LIMCH1: variants seen among roughly 807,000 people sequenced by gnomAD.
The protein encoded by LIMCH1 is LIM and calponin homology domains-containing protein 1.
In LIMCH1, 113 loss-of-function variants were observed where a neutral mutation model predicts 176.5. That is an observed-to-expected ratio of 0.64 (90% CI 0.55 to 0.75). LIMCH1 has a LOEUF of 0.75. Ranked by LOEUF, LIMCH1 falls within the 30% of genes least tolerant of loss-of-function variation. LIMCH1 has a pLI of 0.00. For missense variants in LIMCH1, 1,674 were observed against 1,814.9 expected, an observed-to-expected ratio of 0.92 and a Z score of 1.41; for synonymous variants, 619 against 645.9, an observed-to-expected ratio of 0.96 and a Z score of 0.63.
intron 5 of LIMCH1, among the ~76,000 whole-genome samples, chr4:41,615,594 A>G (rs2091971353): frequency 1.3e-5 from 2 of 152,220 alleles, no homozygotes; most frequent in South Asian, 4.1e-4. Context: ...GAAAAACAAC[A>G]CATTTATTAA....
intron 1 of LIMCH1, among the ~76,000 whole-genome samples, chr4:41,463,172 A>T (rs374356817): frequency 2.1e-5 from 1 of 46,830 alleles, no homozygotes; most frequent in South Asian, 1.0e-3. Flanking sequence ...AAAATTCATT[A>T]AAAAAAAAAA....
chr4:41,605,691 C>T (rs752090036), intron 3 of LIMCH1, among the ~76,000 whole-genome samples: 5 of 152,134 alleles, frequency 3.3e-5, no homozygotes, highest in East Asian at 1.9e-4. Flanking sequence ...ACTACTCAAC[C>T]GTGTTTGTGT....
chr4:41,479,528 A>C (rs1485793738), intron 1 of LIMCH1, among the ~76,000 whole-genome samples: 8 of 152,340 alleles, frequency 5.3e-5, no homozygotes, highest in African/African-American at 1.9e-4. Flanking sequence ...CTGGGATTAC[A>C]GGCGTGAGCC....
At chr4:41,363,506 C>G (rs891435364) in intron 1 of LIMCH1, among the ~76,000 whole-genome samples, 9 of 152,132 alleles carry the variant, frequency 5.9e-5, no homozygotes, top group African/African-American at 2.2e-4. Flanking sequence ...AATAAACAAA[C>G]TTTGCTGCTT....
intron 18 of LIMCH1, among the ~76,000 whole-genome samples, chr4:41,652,706 A>G (rs770310886): frequency 1.3e-5 from 2 of 152,218 alleles, no homozygotes; most frequent in Non-Finnish European, 2.9e-5. Context: ...CCTTCATTAA[A>G]AAGATTTCAC....
intron 1 of LIMCH1, among the ~76,000 whole-genome samples, chr4:41,477,006 T>C (rs1193564609): frequency 2.0e-5 from 3 of 152,160 alleles, no homozygotes; most frequent in Non-Finnish European, 4.4e-5. Flanking sequence ...TCATAGGCAG[T>C]GGAAGTCTGA....
intron 1 of LIMCH1, chr4:41,472,941 G>C: frequency 1.3e-6 from 1 of 785,826 alleles, no homozygotes; most frequent in Non-Finnish European, 1.5e-6. Context: ...ATGGAGCTAG[G>C]ATTCTGCAGA....
At chr4:41,621,584 C>T (rs549124191) in intron 7 of LIMCH1, among the ~76,000 whole-genome samples, 1 of 151,902 alleles carries the variant, frequency 6.6e-6, no homozygotes, top group African/African-American at 2.4e-5. Flanking sequence ...TCACTGCAAC[C>T]TCTGCTTCCC....
At chr4:41,695,679 C>T (rs1265152775) in intron 31 of LIMCH1, among the ~76,000 whole-genome samples, 1 of 151,998 alleles carries the variant, frequency 6.6e-6, no homozygotes, top group Non-Finnish European at 1.5e-5. Flanking sequence ...TAACTCTTCT[C>T]CCATGTTCAT....
At chr4:41,681,195 A>G (rs6816179) in intron 25 of LIMCH1, 136 bp downstream of exon 25, 98,621 of 526,666 alleles carry the variant, frequency 0.19, 9,960 homozygotes, top group Middle Eastern at 0.27. Flanking sequence ...CACGTCAGCT[A>G]CTGTGTGGCC....
chr4:41,396,653 C>T (rs112604509), intron 1 of LIMCH1, among the ~76,000 whole-genome samples: 6,282 of 152,138 alleles, frequency 0.041, 167 homozygotes, highest in Middle Eastern at 0.085. Context: ...GTAATCCCAG[C>T]GCTTTGGGAG....
At chr4:41,423,843 A>T (rs2154132370) in intron 1 of LIMCH1, among the ~76,000 whole-genome samples, 1 of 152,064 alleles carries the variant, frequency 6.6e-6, no homozygotes. Context: ...TATGGGAAAG[A>T]TTGGAGTGGC....
intron 4 of LIMCH1, among the ~76,000 whole-genome samples, chr4:41,609,165 C>A (rs1374050020): frequency 6.6e-6 from 1 of 151,606 alleles, no homozygotes; most frequent in Non-Finnish European, 1.5e-5. Flanking sequence ...GGGGAGGGAG[C>A]ATGGTGGGCA....
intron 1 of LIMCH1, among the ~76,000 whole-genome samples, chr4:41,369,681 T>G (rs73232185): frequency 0.27 from 41,093 of 151,650 alleles, 5,641 homozygotes; most frequent in Middle Eastern, 0.33. Context: ...CGAATTTTTT[T>G]TGTGTGTGTG....
At chr4:41,639,745 C>T (rs1249908913) in intron 14 of LIMCH1, among the ~76,000 whole-genome samples, 2 of 152,120 alleles carry the variant, frequency 1.3e-5, no homozygotes, top group African/African-American at 4.8e-5. Context: ...CTAGACTTCT[C>T]AGATTCAAGT....
intron 1 of LIMCH1, among the ~76,000 whole-genome samples, chr4:41,579,307 G>T (rs1250496722): frequency 2.0e-5 from 3 of 152,154 alleles, no homozygotes; most frequent in Admixed American, 1.3e-4. Context: ...AATTGATCGG[G>T]CATAATGTCA....
At chr4:41,640,822 T>C (rs2093788514) in intron 14 of LIMCH1, among the ~76,000 whole-genome samples, 1 of 152,168 alleles carries the variant, frequency 6.6e-6, no homozygotes. Flanking sequence ...AAAAAAAAGA[T>C]GAGCCCTTTA....
chr4:41,436,004 A>G (rs1265625099), intron 1 of LIMCH1, among the ~76,000 whole-genome samples: 1 of 152,178 alleles, frequency 6.6e-6, no homozygotes, highest in African/African-American at 2.4e-5. Flanking sequence ...TAACCAGTGT[A>G]CCATATTTGT....
At chr4:41,435,464 G>A (rs1320532519) in intron 1 of LIMCH1, among the ~76,000 whole-genome samples, 1 of 152,162 alleles carries the variant, frequency 6.6e-6, no homozygotes. Flanking sequence ...AATTTGTATG[G>A]TTTTAAGCCA....
Sources: gnomAD v4.1 joint callset for allele counts (sites outside exome capture counted in the v4.1 genomes callset) on GRCh38, gnomAD v4.1.1 for gene constraint, MANE v1.5 for transcripts, NCBI Gene and HGNC (gene_info 2026-07-23, HGNC 2026-07-21) for gene names.